BUD13: variants seen among roughly 807,000 people sequenced by gnomAD.
BUD13 encodes the protein BUD13 homolog.
A neutral mutation model predicts 62.5 loss-of-function variants in BUD13; 47 were observed. The observed-to-expected ratio is 0.75, with a 90% CI of 0.60 to 0.96. BUD13 has a LOEUF of 0.96. Ranked by LOEUF, BUD13 falls within the 40% of genes least tolerant of loss-of-function variation. The pLI, the probability that BUD13 is intolerant of heterozygous loss-of-function variation, is 0.00. For missense variants in BUD13, 821 were observed against 790.9 expected, an observed-to-expected ratio of 1.04 and a Z score of -0.46; for synonymous variants, 293 against 280.1, an observed-to-expected ratio of 1.05 and a Z score of -0.46.
rs184331046 is a variant in BUD13, at chr11:116,760,883, T to A, written c.1106A>T (p.Asp369Val). 1 of 1,614,118 alleles carries A rather than the reference T, an allele frequency of 6.2e-7. No homozygotes were observed. The highest frequency in any genetic ancestry group is 2.2e-5 in the East Asian group (1 of 44,874). The part of the protein sequence containing the change: ...PRHKQSPGHQ[D>V]SDSDLSPPRN... ...TGGAGGTGACAGATCTGAATCAGAA[T>A]CCTGGTGCCCTGGACTTTGTTTATG... The change falls in exon 5 of 10, where the codon GAT (aspartate) becomes GTT (valine). Residue 369 changes from aspartate (D) to valine (V), a missense_variant. Physicochemically the swap from Asp to Val is radical, Grantham distance 152. Transcript: ENST00000260210.
intron 5 of BUD13, among the ~76,000 whole-genome samples, chr11:116,760,296 T>C (rs1311682156): frequency 6.6e-6 from 1 of 152,212 alleles, no homozygotes; most frequent in Non-Finnish European, 1.5e-5. Flanking sequence ...ATCCACAATT[T>C]ACAGATAAAG....
At chr11:116,758,446 T>C (rs1262577536) in intron 6 of BUD13, 39 bp from the exon 7 acceptor site, 1 of 1,608,486 alleles carries the variant, frequency 6.2e-7, no homozygotes, top group Non-Finnish European at 8.5e-7. Flanking sequence ...AGGATCAAAA[T>C]CAGAAATAAC....
At chr11:116,763,389 G>C in intron 3 of BUD13, 123 bp from the exon 4 acceptor site, 1 of 813,886 alleles carries the variant, frequency 1.2e-6, no homozygotes, top group Non-Finnish European at 1.8e-6. Flanking sequence ...AAGCCCAAAA[G>C]GCCTGCACAG....
chr11:116,765,350 G>A lies in BUD13; in HGVS notation c.322+12C>T. The A allele has an allele frequency of 1.2e-6, 2 of 1,613,554 alleles. No individual in the cohort carries two copies. The highest frequency in any genetic ancestry group is 1.7e-6 in the Non-Finnish European group (2 of 1,179,506). On this transcript the variant is annotated intron_variant, in intron 3 of 9. Coordinates refer to ENST00000260210, the MANE Select transcript of BUD13 (RefSeq NM_032725.4). ...TAATGGAAATTTAGATTTATCTATT[G>A]TTGGAACTCACCTCCCAGAAGCTTC...
intron 2 of BUD13, among the ~76,000 whole-genome samples, chr11:116,768,785 C>T (rs1162476913): frequency 1.3e-5 from 2 of 151,724 alleles, no homozygotes; most frequent in East Asian, 1.9e-4. Flanking sequence ...GGGCGGATCA[C>T]GAGGTCAGGA....
chr11:116,772,481 C>G (rs1307884479), intron 1 of BUD13, among the ~76,000 whole-genome samples: 1 of 152,176 alleles, frequency 6.6e-6, no homozygotes, highest in African/African-American at 2.4e-5. Context: ...CCCTAAAGAT[C>G]CAAGCACAGA....
rs1449976286 is a variant in BUD13, at chr11:116,762,986, A to G, written c.603T>C (p.Ser201=). 1 of 1,613,512 alleles carries G rather than the reference A, an allele frequency of 6.2e-7. No homozygotes were observed. The highest frequency in any genetic ancestry group is 1.7e-5 in the Admixed American group (1 of 59,982). The part of the protein sequence containing the change: ...RRARHDSPDP[S]PPRRPQHNSS... Reference sequence around the variant, plus strand: ...AATTATGCTGAGGCCTCCTTGGGGGAGAAGGATCTGGAGAATCATGACGGG... The same window carrying G: ...AATTATGCTGAGGCCTCCTTGGGGGGGAAGGATCTGGAGAATCATGACGGG... Residue 201 remains serine, a synonymous_variant, in exon 4 of 10, where the codon TCT becomes TCC. Coordinates refer to ENST00000260210, the MANE Select transcript of BUD13 (RefSeq NM_032725.4).
At chr11:116,760,986 T>C (rs1940421443) in intron 4 of BUD13, 34 bp from the exon 5 acceptor site, 2 of 1,575,336 alleles carry the variant, frequency 1.3e-6, no homozygotes, top group East Asian at 4.5e-5. Context: ...GTGACTCTGA[T>C]GTCCTCTAGG....
chr11:116,767,889 C>T (rs1413824503), intron 2 of BUD13, among the ~76,000 whole-genome samples: 1 of 151,436 alleles, frequency 6.6e-6, no homozygotes, highest in Non-Finnish European at 1.5e-5. Flanking sequence ...AGGAGGATTG[C>T]TTGCACCTGG....
At chr11:116,752,342 GCCGAAAAGAGA>G (rs1204035019) in intron 9 of BUD13, among the ~76,000 whole-genome samples, 1 of 151,940 alleles carries the variant, frequency 6.6e-6, no homozygotes, top group East Asian at 1.9e-4. Context: ...CTTGCAGCAG[GCCGAAAAGAGA>G]CAAAACTAGA....
rs1176821531 is a variant in BUD13, at chr11:116,748,527, C to T, written c.1815G>A (p.Lys605=). ...QKRFARLASK[K]AVEELAYKWS... ...ATTTGTAGGCAAGTTCCTCCACTGC[C>T]TTCTTGCTGGCAAGCCTGGCAAAGC... The change falls in exon 10 of 10, where the codon AAG becomes AAA. Residue 605 remains lysine, a synonymous_variant. Transcript: ENST00000260210. 6.2e-7 allele frequency: 1 copy of T among 1,614,268 alleles called. No homozygotes were observed. Among genetic ancestry groups the T allele is most frequent in the Non-Finnish European group, 8.5e-7 (1 of 1,180,044 alleles).
Position 116,757,912 on chromosome 11 carries a change from T to A in BUD13, c.1538A>T (p.Asp513Val). 1 of 1,614,150 alleles carries A rather than the reference T, an allele frequency of 6.2e-7. No homozygotes were observed. Among genetic ancestry groups the A allele is most frequent in the Non-Finnish European group, 8.5e-7 (1 of 1,180,028 alleles). Residue 513 changes from aspartate to valine, a missense_variant, in exon 8 of 10, where the codon GAT becomes GTT. Physicochemically the swap from Asp to Val is radical, Grantham distance 152 (BLOSUM62 -3). Around this residue, in one of 2 missense-constraint regions of BUD13, gnomAD observed 800 missense variants for 739.2 expected, o/e 1.08. Coordinates refer to ENST00000260210, the MANE Select transcript of BUD13 (RefSeq NM_032725.4). ...QSRQQQQNVE[D>V]AMKEMQKPLA... ...AGGCTTTTGCATCTCTTTCATTGCA[T>A]CCTCCACATTTTGTTGCTGTTGCCG...
In BUD13 at chr11:116,757,927, T is replaced by G. The variant is rs762267985; in HGVS notation, c.1523A>C (p.Gln508Pro). The change falls in exon 8 of 10, where the codon CAA becomes CCA. Residue 508 changes from glutamine to proline, a missense_variant. Around this residue, in one of 2 missense-constraint regions of BUD13, gnomAD observed 800 missense variants for 739.2 expected, o/e 1.08. Coordinates refer to ENST00000260210, the MANE Select transcript of BUD13 (RefSeq NM_032725.4). ...TTTCATTGCATCCTCCACATTTTGT[T>G]GCTGTTGCCGGCTCTGGGCAAGCCT... is the stretch of plus-strand genomic sequence containing the variant. ...GKGLAQSRQQQQNVEDAMKEM... is the reference protein window; with the variant it reads ...GKGLAQSRQQPQNVEDAMKEM... 3.1e-6 allele frequency: 5 copies of G among 1,614,104 alleles called. No homozygotes were observed. Among genetic ancestry groups the G allele is most frequent in the Non-Finnish European group, 2.5e-6 (3 of 1,180,038 alleles).
At position 116,757,191 on chromosome 11, in the gene BUD13, T is replaced by G. The variant is rs754438781; in HGVS notation, c.1721A>C (p.Asn574Thr). Residue 574 changes from asparagine (N) to threonine (T), a missense_variant, in exon 9 of 10, where the codon AAC (asparagine) becomes ACC (threonine). Coordinates refer to ENST00000260210, the MANE Select transcript of BUD13 (RefSeq NM_032725.4). The part of the protein sequence containing the change: ...PRYSGPAPPP[N>T]RFNIWPGYRW... Reference sequence around the variant, plus strand: ...ATATCCAGGCCAGATATTAAATCTGTTGGGAGGAGGTGCTGGACCACTGTA... The same window carrying G: ...ATATCCAGGCCAGATATTAAATCTGGTGGGAGGAGGTGCTGGACCACTGTA... The G allele has an allele frequency of 3.7e-6, 6 of 1,614,178 alleles. No individual in the cohort carries two copies. The highest frequency in any genetic ancestry group is 5.1e-6 in the Non-Finnish European group (6 of 1,180,006).
At position 116,748,451 on chromosome 11, in the gene BUD13, C is replaced by T; in HGVS notation, c.*31G>A. On this transcript the variant is annotated 3_prime_UTR_variant, in exon 10 of 10. Coordinates refer to ENST00000260210, the MANE Select transcript of BUD13 (RefSeq NM_032725.4). ...ATCTCGCTGCCTATGCCCACTACCA[C>T]AGCCCAGCCACCCCCACAGCCTCAG... 2 of 1,602,552 alleles carry T rather than the reference C, an allele frequency of 1.2e-6. No individual in the cohort carries two copies. The highest frequency in any genetic ancestry group is 1.7e-6 in the Non-Finnish European group (2 of 1,169,490).
chr11:116,759,449 T>G (rs1391385382), intron 5 of BUD13, among the ~76,000 whole-genome samples: 1 of 152,230 alleles, frequency 6.6e-6, no homozygotes, highest in South Asian at 2.1e-4. Context: ...GTATATAAAC[T>G]GCACACATGA....
At chr11:116,761,035 A>G in intron 4 of BUD13, 83 bp from the exon 5 acceptor site, 1 of 1,132,872 alleles carries the variant, frequency 8.8e-7, no homozygotes, top group South Asian at 1.5e-5. Flanking sequence ...CTGGGAGAAG[A>G]ACCTAGAAAT....
intron 3 of BUD13, among the ~76,000 whole-genome samples, chr11:116,764,785 G>A (rs1203127157): frequency 6.6e-6 from 1 of 152,138 alleles, no homozygotes; most frequent in Non-Finnish European, 1.5e-5. Context: ...ACAAACAAAT[G>A]CTTTTTATCC....
At chr11:116,767,466 G>A (rs923156398) in intron 2 of BUD13, among the ~76,000 whole-genome samples, 1 of 149,682 alleles carries the variant, frequency 6.7e-6, no homozygotes, top group Admixed American at 6.6e-5. Context: ...GGTGGCAGGT[G>A]CCTGTAGTCC....
Sources: allele counts gnomAD v4.1 joint callset (sites outside exome capture counted in the v4.1 genomes callset), GRCh38; gene constraint gnomAD v4.1.1; regional missense constraint gnomAD v4.1.1; transcripts MANE v1.5; gene names NCBI Gene and HGNC (gene_info 2026-07-23, HGNC 2026-07-21).